Variants in MTMR9 observed in about 807,000 individuals in gnomAD.
MTMR9 encodes the protein myotubularin-related protein 9.
In MTMR9, 39 loss-of-function variants were observed where a neutral mutation model predicts 69.5. The ratio of observed to expected loss-of-function variants is 0.56; its 90% CI spans 0.43 to 0.73. The LOEUF is 0.73. MTMR9 is among the 30% of genes least tolerant of loss of function. The pLI is 0.00. For missense variants in MTMR9, 900 were observed against 671.2 expected, an observed-to-expected ratio of 1.34 and a Z score of -3.77; for synonymous variants, 354 against 240.8, an observed-to-expected ratio of 1.47 and a Z score of -4.35.
chr8:11,331,475 G>C (rs144063054), downstream of MTMR9: 243 of 1,613,978 alleles, frequency 1.5e-4, 1 homozygote, highest in African/African-American at 2.7e-3. Flanking sequence ...GTGCAGTTCA[G>C]GTGGTGCCCG....
intron 2 of MTMR9, chr8:11,298,614 C>T (rs1005917114): frequency 6.4e-6 from 2 of 312,400 alleles, no homozygotes; most frequent in African/African-American, 2.2e-5. Flanking sequence ...GAGATAAGTG[C>T]ATTCTGAGCA....
the MTMR9 span, among the ~76,000 whole-genome samples, chr8:11,335,955 C>A: frequency 1.3e-5 from 2 of 152,172 alleles, no homozygotes; most frequent in African/African-American, 2.4e-5. Context: ...GGGGAGGACA[C>A]AATTAAACTC....
In MTMR9 at chr8:11,306,182, G is replaced by C; in HGVS notation, c.592-8G>C. ...GCTGTTGAATTTTCAGCTTTATTAT[G>C]CTTCTAGGTAATTATGCGAAGTGGT... On this transcript the variant is annotated splice_region_variant and splice_polypyrimidine_tract_variant and intron_variant, in intron 4 of 9. Transcript: ENST00000221086. 6.2e-7 allele frequency: 1 copy of C among 1,611,590 alleles called. No homozygotes were observed. The highest frequency in any genetic ancestry group is 8.5e-7 in the Non-Finnish European group (1 of 1,179,438).
intron 2 of MTMR9, chr8:11,297,940 T>C (rs1354357157): frequency 8.8e-6 from 4 of 456,118 alleles, no homozygotes; most frequent in Middle Eastern, 3.2e-4. Flanking sequence ...CGAATACATC[T>C]GGACACGATT....
intron 8 of MTMR9, chr8:11,318,477 C>T (rs897069646): frequency 1.3e-5 from 2 of 152,152 alleles, no homozygotes; most frequent in Non-Finnish European, 2.9e-5. Context: ...GCACGTAGCT[C>T]ATAAATAATC....
chr8:11,309,803 G>T, intron 6 of MTMR9, 115 bp downstream of exon 6: 8 of 1,087,322 alleles, frequency 7.4e-6, no homozygotes, highest in Non-Finnish European at 1.0e-5. Context: ...TACTGTGTAG[G>T]CTAGTCAACA....
intron 3 of MTMR9, among the ~76,000 whole-genome samples, chr8:11,303,687 C>A (rs980144220): frequency 6.6e-6 from 1 of 152,098 alleles, no homozygotes; most frequent in Non-Finnish European, 1.5e-5. Context: ...GTGTGTGCCA[C>A]TGTGCCTGGC....
At position 11,323,776 on chromosome 8, in the gene MTMR9, AT is replaced by A. The variant is rs1270845096; in HGVS notation, c.*992del. ...AGAGTTTCCTAATACTAAGGTTAAA[AT>A]TTTCATGTTGACCTGAGCCTTTTGC... On this transcript the variant is annotated 3_prime_UTR_variant, in exon 10 of 10. Coordinates refer to ENST00000221086, the MANE Select transcript of MTMR9 (RefSeq NM_015458.4). The A allele has an allele frequency of 2.6e-5, 4 of 152,260 alleles. No individual in the cohort carries two copies. The highest frequency in any genetic ancestry group is 9.6e-5 in the African/African-American group (4 of 41,546). 9.4% of individuals were successfully genotyped at this position (152,260 alleles called of 1,614,324 possible).
chr8:11,328,307 ATGAT>A (rs1366559207), downstream of MTMR9, among the ~76,000 whole-genome samples: 3 of 151,558 alleles, frequency 2.0e-5, no homozygotes, highest in Non-Finnish European at 2.9e-5. Context: ...CCTATATTGA[ATGAT>A]TGGTAAAATT....
intron 4 of MTMR9, 144 bp from the exon 5 acceptor site, chr8:11,306,046 A>G: frequency 1.5e-6 from 1 of 666,100 alleles, no homozygotes; most frequent in Non-Finnish European, 2.6e-6. Flanking sequence ...ATACATGCAA[A>G]TATTTCTTTG....
intron 9 of MTMR9, chr8:11,320,054 T>C (rs903748305): frequency 6.1e-6 from 3 of 489,530 alleles, no homozygotes; most frequent in African/African-American, 2.0e-5. Flanking sequence ...AAATTAACAG[T>C]GTTTCTTTAC....
chr8:11,302,986 A>T (rs4568582), intron 3 of MTMR9, among the ~76,000 whole-genome samples: 54,823 of 151,370 alleles, frequency 0.36, 11,203 homozygotes, highest in East Asian at 0.71. Flanking sequence ...AATGGAAAAG[A>T]CAATATACTC....
downstream of MTMR9, chr8:11,331,992 C>G: frequency 6.2e-7 from 1 of 1,611,948 alleles, no homozygotes; most frequent in Non-Finnish European, 8.5e-7. Flanking sequence ...GGCCCTTATA[C>G]TGCAGTATTA....
chr8:11,284,910 A>G lies in MTMR9; in HGVS notation c.22A>G (p.Lys8Glu), dbSNP rs1239914978. Residue 8 changes from lysine to glutamate, a missense_variant, in exon 1 of 10, where the codon AAG (lysine) becomes GAG (glutamate). By Grantham distance (56) the Lys-to-Glu change is moderately conservative. Coordinates refer to ENST00000221086, the MANE Select transcript of MTMR9 (RefSeq NM_015458.4). ...GAGCATGGAGTTTGCGGAGCTGATTAAGACCCCGCGGGTGGACAATGTGGT... is the reference window on the plus strand; with the variant it reads ...GAGCATGGAGTTTGCGGAGCTGATTGAGACCCCGCGGGTGGACAATGTGGT... MEFAELI[K>E]TPRVDNVVLH... 3 of 1,610,798 alleles carry G rather than the reference A, an allele frequency of 1.9e-6. No individual in the cohort carries two copies. Among genetic ancestry groups the G allele is most frequent in the African/African-American group, 2.7e-5 (2 of 74,690 alleles).
chr8:11,300,362 A>AT (rs1435477626), intron 3 of MTMR9: 1 of 382,520 alleles, frequency 2.6e-6, no homozygotes, highest in African/African-American at 2.1e-5. Context: ...ATATCTAGGA[A>AT]TACCCCCAAG....
chr8:11,337,213 C>A, the MTMR9 span, among the ~76,000 whole-genome samples: 1 of 152,142 alleles, frequency 6.6e-6, no homozygotes, highest in African/African-American at 2.4e-5. Context: ...CGTAGCCACT[C>A]AGAACCAGCA....
chr8:11,311,299 C>G (rs1463244072), intron 6 of MTMR9, among the ~76,000 whole-genome samples: 3 of 152,174 alleles, frequency 2.0e-5, no homozygotes, highest in Non-Finnish European at 4.4e-5. Context: ...AGTACATCAT[C>G]TACAATGTAA....
At chr8:11,332,248 C>G (rs1423019337), downstream of MTMR9, 2 of 1,397,156 alleles carry the variant, frequency 1.4e-6, no homozygotes, top group African/African-American at 2.9e-5. Flanking sequence ...GAAAGTCTAA[C>G]TTCCATAGCA....
Position 11,284,846 on chromosome 8 carries a change from G to GC in MTMR9, c.-42dup, listed in dbSNP as rs746891902. 6.5e-7 allele frequency: 1 copy of GC among 1,539,814 alleles called. No individual in the cohort carries two copies. The highest frequency in any genetic ancestry group is 1.4e-5 in the African/African-American group (1 of 70,126). On this transcript the variant is annotated 5_prime_UTR_variant, in exon 1 of 10. Coordinates refer to ENST00000221086, the MANE Select transcript of MTMR9 (RefSeq NM_015458.4). ...TTCCCTGCGGCGGGGTAACCGCCTC[G>GC]CACCTACCGGGCTCGGTTCCCTGGC...
Sources: allele counts gnomAD v4.1 joint callset (sites outside exome capture counted in the v4.1 genomes callset), GRCh38; gene constraint gnomAD v4.1.1; transcripts MANE v1.5; gene names NCBI Gene and HGNC (gene_info 2026-07-23, HGNC 2026-07-21).